Variants in NRXN3 observed in about 807,000 individuals in gnomAD.
The protein encoded by NRXN3 is neurexin 3, also known as neurexin III.
In NRXN3, 32 loss-of-function variants were observed where a neutral mutation model predicts 137.6. The ratio of observed to expected loss-of-function variants is 0.23; its 90% CI spans 0.18 to 0.31. The LOEUF (loss-of-function observed/expected upper bound fraction) is 0.31, where lower values mean the gene tolerates loss of function less well. NRXN3 is among the 10% of genes least tolerant of loss of function. The pLI is 1.00. For synonymous variants in NRXN3, 798 were observed against 784.5 expected (o/e 1.02, Z -0.29); for missense variants, 1,574 against 2,062.5 (o/e 0.76, Z 4.59).
chr14:78,292,453 A>G (rs7160443), intron 3 of NRXN3, among the ~76,000 whole-genome samples: 37,905 of 152,126 alleles, frequency 0.25, 5,121 homozygotes, highest in East Asian at 0.38. Flanking sequence ...AGGCAGGTAC[A>G]AGAAGGGTGG....
intron 16 of NRXN3, among the ~76,000 whole-genome samples, chr14:79,557,917 C>T (rs2097447363): frequency 6.6e-6 from 1 of 152,074 alleles, no homozygotes; most frequent in African/African-American, 2.4e-5. Flanking sequence ...CCTCTCAAAC[C>T]CAGCTGCTCC....
Position 78,243,268 on chromosome 14 carries a change from G to A in NRXN3, c.175G>A (p.Val59Ile), listed in dbSNP as rs144935953. 196 of 1,560,678 alleles carry A rather than the reference G, an allele frequency of 1.3e-4. 1 individual carries two copies. In the East Asian group the frequency reaches 2.5e-3, roughly 20 times the overall value. ...SDLSFQFKTN[V>I]STGLLLYLDD... ...CCTGAGTTTCCAGTTCAAGACCAAC[G>A]TCTCTACGGGGCTGCTCCTCTACCT... The change falls in exon 2 of 21, where the codon GTC (valine) becomes ATC (isoleucine). Residue 59 changes from valine (V) to isoleucine (I), a missense_variant. This residue lies in a region of NRXN3 where 400 missense variants were observed against 527.3 expected (regional missense o/e 0.76). Transcript: ENST00000335750. The surrounding 1 kb of genome is among the most constrained non-coding windows in gnomAD (Gnocchi z 4.2).
intron 15 of NRXN3, among the ~76,000 whole-genome samples, chr14:79,179,421 TA>T (rs773421170): frequency 2.6e-5 from 4 of 152,194 alleles, no homozygotes; most frequent in Non-Finnish European, 5.9e-5. Flanking sequence ...TATCATTTTT[TA>T]AAACAAATAT....
intron 4 of NRXN3, among the ~76,000 whole-genome samples, chr14:78,350,498 C>T (rs999865045): frequency 6.6e-6 from 1 of 151,922 alleles, no homozygotes; most frequent in African/African-American, 2.4e-5. Flanking sequence ...GCGTGGGAGA[C>T]AGGCAGGGAC....
At chr14:78,197,977 A>G (rs2061372700) in intron 1 of NRXN3, among the ~76,000 whole-genome samples, 1 of 152,220 alleles carries the variant, frequency 6.6e-6, no homozygotes, top group Non-Finnish European at 1.5e-5. Flanking sequence ...GGCAGGAATC[A>G]TTTGAAAATG....
intron 6 of NRXN3, among the ~76,000 whole-genome samples, chr14:78,663,540 G>C (rs1419224164): frequency 6.6e-6 from 1 of 152,156 alleles, no homozygotes; most frequent in Non-Finnish European, 1.5e-5. Context: ...GTTTCGTCTT[G>C]AGATGGGCAG....
chr14:79,772,267 A>G (rs959772735), intron 19 of NRXN3, among the ~76,000 whole-genome samples: 3 of 152,064 alleles, frequency 2.0e-5, no homozygotes, highest in African/African-American at 7.2e-5. Flanking sequence ...ACAGAATTGG[A>G]AAAAACTACT....
intron 4 of NRXN3, among the ~76,000 whole-genome samples, chr14:78,339,742 G>A (rs1029295908): frequency 1.3e-5 from 2 of 152,024 alleles, no homozygotes; most frequent in African/African-American, 4.8e-5. Context: ...ATATCTTTAG[G>A]CAGCCATGTT....
chr14:78,513,059 T>G (rs1254815255), intron 4 of NRXN3, among the ~76,000 whole-genome samples: 1 of 152,170 alleles, frequency 6.6e-6, no homozygotes, highest in East Asian at 1.9e-4. Flanking sequence ...CATGTCTACA[T>G]TTGGATCTCT....
At chr14:79,257,517 GTGGTGGTGGTGGTGGTGA>G (rs2076891550) in intron 15 of NRXN3, among the ~76,000 whole-genome samples, 1 of 78,600 alleles carries the variant, frequency 1.3e-5, no homozygotes. Flanking sequence ...GGTAGTGATG[GTGGTGGTGGTGGTGGTGA>G]TGGTGGTGGT....
chr14:78,514,970 T>C (rs976670917), intron 4 of NRXN3, among the ~76,000 whole-genome samples: 5 of 152,154 alleles, frequency 3.3e-5, no homozygotes, highest in African/African-American at 4.8e-5. Context: ...GCAGCTGTCA[T>C]TGCTCTGTAG....
intron 17 of NRXN3, among the ~76,000 whole-genome samples, chr14:79,664,409 C>T (rs2098548448): frequency 6.6e-6 from 1 of 152,082 alleles, no homozygotes; most frequent in South Asian, 2.1e-4. Context: ...AGACACAGAT[C>T]AAGTCATGGT....
At chr14:78,520,412 G>T (rs755142341) in intron 4 of NRXN3, among the ~76,000 whole-genome samples, 3 of 151,994 alleles carry the variant, frequency 2.0e-5, no homozygotes, top group Admixed American at 1.3e-4. Flanking sequence ...TAGCCTTTTA[G>T]CCCAGATCAC....
intron 4 of NRXN3, among the ~76,000 whole-genome samples, chr14:78,538,671 AGGGCATCCCT>A (rs148006520): frequency 0.23 from 34,410 of 151,690 alleles, 4,033 homozygotes; most frequent in Middle Eastern, 0.32. Flanking sequence ...GTGGTGAGAG[AGGGCATCCCT>A]GTCTTGTGCC....
intron 15 of NRXN3, among the ~76,000 whole-genome samples, chr14:79,188,760 T>G (rs1056653994): frequency 1.3e-5 from 2 of 152,190 alleles, no homozygotes; most frequent in Admixed American, 6.5e-5. Flanking sequence ...AGAAGACATT[T>G]ATGCAGCCAA....
intron 16 of NRXN3, among the ~76,000 whole-genome samples, chr14:79,612,351 C>G (rs2098113445): frequency 6.6e-6 from 1 of 152,158 alleles, no homozygotes; most frequent in Admixed American, 6.5e-5. Context: ...CTCTGGCTAA[C>G]ACATTTCCAG....
At chr14:79,346,303 C>A (rs978116605) in intron 15 of NRXN3, among the ~76,000 whole-genome samples, 5 of 152,140 alleles carry the variant, frequency 3.3e-5, no homozygotes, top group Non-Finnish European at 7.4e-5. Flanking sequence ...CACCTGTAAT[C>A]CCAGCTACTC....
chr14:79,613,221 A>G (rs1294514574), intron 16 of NRXN3, among the ~76,000 whole-genome samples: 1 of 152,264 alleles, frequency 6.6e-6, no homozygotes, highest in Admixed American at 6.5e-5. Flanking sequence ...GAAGTCTCAG[A>G]TGAAATTTCT....
chr14:79,511,626 G>A (rs750445097), intron 16 of NRXN3, among the ~76,000 whole-genome samples: 3 of 152,164 alleles, frequency 2.0e-5, no homozygotes, highest in South Asian at 2.1e-4. Flanking sequence ...ACCATTGAGC[G>A]CTCTTAGTCA....
Sources: allele counts gnomAD v4.1 joint callset (sites outside exome capture counted in the v4.1 genomes callset), GRCh38; gene constraint gnomAD v4.1.1; regional missense constraint gnomAD v4.1.1; non-coding constraint Gnocchi (gnomAD v3.1); transcripts MANE v1.5; gene names NCBI Gene and HGNC (gene_info 2026-07-23, HGNC 2026-07-21).